MRC1: variants seen among roughly 807,000 people sequenced by gnomAD.
MRC1 encodes the protein macrophage mannose receptor 1.
In MRC1, 62 loss-of-function variants were observed where a neutral mutation model predicts 102.9. The ratio of observed to expected loss-of-function variants is 0.60; its 90% CI spans 0.49 to 0.74. The LOEUF is 0.74. Ranked by LOEUF, MRC1 falls within the 30% of genes least tolerant of loss-of-function variation. MRC1 has a pLI of 0.00. For missense variants in MRC1, 1,237 were observed against 862.8 expected, an observed-to-expected ratio of 1.43 and a Z score of -5.43; for synonymous variants, 457 against 298.4, an observed-to-expected ratio of 1.53 and a Z score of -5.48.
chr10:17,825,395 G>A (rs1229572180), intron 2 of MRC1, among the ~76,000 whole-genome samples: 1 of 152,114 alleles, frequency 6.6e-6, no homozygotes, highest in East Asian at 1.9e-4. Flanking sequence ...GGTTCTTTTG[G>A]CCTCATCAGT....
chr10:17,848,584 G>C (rs2130639977), intron 6 of MRC1, among the ~76,000 whole-genome samples: 1 of 152,264 alleles, frequency 6.6e-6, no homozygotes, highest in Admixed American at 6.5e-5. Flanking sequence ...TGGTGCTTGT[G>C]ATTTACAAGC....
intron 3 of MRC1, among the ~76,000 whole-genome samples, chr10:17,828,020 G>A (rs971942396): frequency 6.6e-6 from 1 of 152,166 alleles, no homozygotes; most frequent in Non-Finnish European, 1.5e-5. Flanking sequence ...ATCATGCTAA[G>A]AGGACTAGAC....
chr10:17,868,673 A>G (rs1833313349), intron 12 of MRC1, among the ~76,000 whole-genome samples: 1 of 152,200 alleles, frequency 6.6e-6, no homozygotes, highest in South Asian at 2.1e-4. Flanking sequence ...CATGCCCTGT[A>G]AGACAGTTTG....
chr10:17,841,985 C>G (rs993520874), intron 5 of MRC1, among the ~76,000 whole-genome samples: 2 of 152,120 alleles, frequency 1.3e-5, no homozygotes, highest in African/African-American at 4.8e-5. Context: ...GTTTTTGAGA[C>G]AGGGTCTCAC....
At chr10:17,868,832 C>T (rs1833315356) in intron 12 of MRC1, among the ~76,000 whole-genome samples, 1 of 152,290 alleles carries the variant, frequency 6.6e-6, no homozygotes, top group South Asian at 2.1e-4. Context: ...GATCTAATAA[C>T]ATAATTTACA....
At chr10:17,817,083 A>G (rs1359704717) in intron 1 of MRC1, among the ~76,000 whole-genome samples, 1 of 151,992 alleles carries the variant, frequency 6.6e-6, no homozygotes, top group East Asian at 1.9e-4. Flanking sequence ...CCTCATCTCT[A>G]CTAAAAATAC....
At position 17,882,762 on chromosome 10, in the gene MRC1, A is replaced by G. The variant is rs997689435; in HGVS notation, c.2980+1581A>G. 3.0e-3 allele frequency among the ~76,000 whole-genome samples: 463 copies of G among 152,196 alleles called. 4 individuals are homozygous for G. The highest frequency in any genetic ancestry group is 0.011 in the African/African-American group (443 of 41,544). The stretch of plus-strand genomic sequence containing the variant: ...GGCACTGAAAGAAAAGGGTCAAACC[A>G]AAGCACACAGTACAAGAACATAACA... On this transcript the variant is annotated intron_variant, in intron 21 of 29. Transcript: ENST00000569591.
At position 17,809,497 on chromosome 10, in the gene MRC1, C is replaced by T. The variant is rs1445835500; in HGVS notation, c.32C>T (p.Ser11Phe). 2 of 872,642 alleles carry T rather than the reference C, an allele frequency of 2.3e-6. No homozygotes were observed. The highest frequency in any genetic ancestry group is 4.0e-6 in the Non-Finnish European group (2 of 501,522). The allele number at this position is 872,642 out of a possible 1,614,324, so 54.1% of individuals were successfully genotyped here. ...CTACCCCTGCTCCTGGTTTTTGCCT[C>T]TGTCATTCCGGGTGCTGTTCTCCTA... is the stretch of plus-strand genomic sequence containing the variant. MRLPLLLVFA[S>F]VIPGAVLLLD... Residue 11 changes from serine (S) to phenylalanine (F), a missense_variant, in exon 1 of 30, where the codon TCT (serine) becomes TTT (phenylalanine). Ser to Phe is a radical substitution (Grantham distance 155). Coordinates refer to ENST00000569591, the MANE Select transcript of MRC1 (RefSeq NM_002438.4).
chr10:17,875,881 A>G (rs1833429627), intron 17 of MRC1, among the ~76,000 whole-genome samples: 1 of 152,238 alleles, frequency 6.6e-6, no homozygotes, highest in African/African-American at 2.4e-5. Context: ...CATGCCCACC[A>G]ACAATGTAAA....
rs1190322862 is a variant in MRC1 at position 17,840,769 on chromosome 10, T to C, written c.879T>C (p.Ser293=). The change falls in exon 5 of 30, where the codon AGT becomes AGC. Residue 293 remains serine, a synonymous_variant. Transcript: ENST00000569591. ...SLSFNSGWQW[S]DRSPFRYLNW... is the part of the protein sequence containing the mutation. Reference sequence around the variant, plus strand: ...GCTTCAACAGCGGTTGGCAGTGGAGTGACCGCAGTCCTTTCCGATATTTGA... The same window carrying C: ...GCTTCAACAGCGGTTGGCAGTGGAGCGACCGCAGTCCTTTCCGATATTTGA... 1.3e-6 allele frequency: 1 copy of C among 780,852 alleles called. No individual in the cohort carries two copies. The highest frequency in any genetic ancestry group is 2.4e-6 in the Non-Finnish European group (1 of 417,940). 48.4% of individuals were successfully genotyped at this position (780,852 alleles called of 1,614,324 possible).
rs1833335463 is a variant in MRC1 at position 17,870,232 on chromosome 10, C to T, written c.1984-14C>T. The T allele has an allele frequency of 5.2e-6, 4 of 774,506 alleles. No individual in the cohort carries two copies. The Admixed American group carries it at 6.9e-5, about 13-fold the overall frequency. 48.0% of individuals were successfully genotyped at this position (774,506 alleles called of 1,614,324 possible). On this transcript the variant is annotated splice_polypyrimidine_tract_variant and intron_variant, in intron 12 of 29. Transcript: ENST00000569591. ...CAAAGCATAAAATAATTTTTGTAAC[C>T]ATATCATCTTCAGCTGTATGCAAAA... is the stretch of plus-strand genomic sequence containing the variant.
At chr10:17,823,594 G>A (rs967481590) in intron 2 of MRC1, 119 bp downstream of exon 2, 3 of 734,994 alleles carry the variant, frequency 4.1e-6, no homozygotes, top group East Asian at 2.4e-5. Context: ...CAATTGATCA[G>A]CATCTTTGTG....
chr10:17,877,592 T>C (rs1229677945), intron 17 of MRC1, among the ~76,000 whole-genome samples: 1 of 152,164 alleles, frequency 6.6e-6, no homozygotes, highest in African/African-American at 2.4e-5. Flanking sequence ...CTTAAATCAT[T>C]CTCCATAATG....
chr10:17,856,446 A>G, intron 9 of MRC1, 94 bp downstream of exon 9: 1 of 761,260 alleles, frequency 1.3e-6, no homozygotes, highest in Non-Finnish European at 2.3e-6. Flanking sequence ...TTGTTATTGC[A>G]GTAGCCAAGG....
At chr10:17,841,455 C>T (rs981586942) in intron 5 of MRC1, among the ~76,000 whole-genome samples, 38 of 152,182 alleles carry the variant, frequency 2.5e-4, no homozygotes, top group African/African-American at 8.4e-4. Context: ...AGAGGTTTCT[C>T]AACAGTAGTT....
At chr10:17,903,603 T>C (rs1457397362) in intron 26 of MRC1, among the ~76,000 whole-genome samples, 6 of 151,804 alleles carry the variant, frequency 4.0e-5, no homozygotes, top group Admixed American at 6.6e-5. Context: ...ACATTATTGG[T>C]CAGGCTGTTT....
intron 8 of MRC1, among the ~76,000 whole-genome samples, chr10:17,855,152 G>A (rs1219619994): frequency 6.6e-6 from 1 of 152,154 alleles, no homozygotes; most frequent in African/African-American, 2.4e-5. Flanking sequence ...ATAGGAAGAA[G>A]GCAGAAAAGA....
At chr10:17,905,104 T>C (rs1833878784) in intron 26 of MRC1, among the ~76,000 whole-genome samples, 1 of 152,162 alleles carries the variant, frequency 6.6e-6, no homozygotes, top group Non-Finnish European at 1.5e-5. Context: ...ACAGGTCAAG[T>C]AATGGAGATT....
At chr10:17,874,490 G>T (rs1833398999) in intron 16 of MRC1, among the ~76,000 whole-genome samples, 1 of 152,068 alleles carries the variant, frequency 6.6e-6, no homozygotes, top group South Asian at 2.1e-4. Context: ...ACTTAATCAT[G>T]TCTATAAAGT....
Sources: allele counts gnomAD v4.1 joint callset (sites outside exome capture counted in the v4.1 genomes callset), GRCh38; gene constraint gnomAD v4.1.1; transcripts MANE v1.5; gene names NCBI Gene and HGNC (gene_info 2026-07-23, HGNC 2026-07-21).